PTPRM: variants seen among roughly 807,000 people sequenced by gnomAD.
PTPRM encodes protein tyrosine phosphatase receptor type M.
Under a neutral mutation model 186.7 loss-of-function variants are expected in PTPRM, and 47 were observed. That is an observed-to-expected ratio of 0.25 (90% CI 0.20 to 0.32). The LOEUF is 0.32. Ranked by LOEUF, PTPRM falls within the 10% of genes least tolerant of loss-of-function variation. The probability of loss-of-function intolerance (pLI) is 1.00; values close to 1 mark genes in which losing one functional copy is unlikely to be tolerated. For synonymous variants in PTPRM, 668 were observed against 674.9 expected, an observed-to-expected ratio of 0.99 and a Z score of 0.16; for missense variants, 1,494 against 1,865.0, an observed-to-expected ratio of 0.80 and a Z score of 3.66.
intron 14 of PTPRM, among the ~76,000 whole-genome samples, chr18:8,192,179 GT>G (rs1262557171): frequency 6.6e-6 from 1 of 152,082 alleles, no homozygotes; most frequent in Non-Finnish European, 1.5e-5. Context: ...GAAAATCTCT[GT>G]AATATTAAAT....
chr18:8,381,951 G>A (rs1160719876), intron 29 of PTPRM, among the ~76,000 whole-genome samples: 1 of 152,244 alleles, frequency 6.6e-6, no homozygotes, highest in Middle Eastern at 3.4e-3. Context: ...AACTGCATTG[G>A]AATTCTAAAG....
At chr18:8,197,590 T>A (rs1290647242) in intron 14 of PTPRM, among the ~76,000 whole-genome samples, 3 of 152,192 alleles carry the variant, frequency 2.0e-5, no homozygotes. Context: ...ATTCATAAAT[T>A]TATAATCTGC....
At chr18:8,148,521 T>A (rs1245407419) in intron 14 of PTPRM, among the ~76,000 whole-genome samples, 1 of 152,282 alleles carries the variant, frequency 6.6e-6, no homozygotes, top group African/African-American at 2.4e-5. Flanking sequence ...TTATTACACA[T>A]CTATTTGATC....
At position 7,731,350 on chromosome 18, in the gene PTPRM, T is replaced by A. The variant is rs575163011; in HGVS notation, c.74-42799T>A. ...ATTCTTAGGATGCAATGGTATAAAATAGTATCTTATCCTTGAAAATAGACG... is the reference window on the plus strand; with the variant it reads ...ATTCTTAGGATGCAATGGTATAAAAAAGTATCTTATCCTTGAAAATAGACG... On this transcript the variant is annotated intron_variant, in intron 1 of 32. Transcript: ENST00000580170. Among the ~76,000 whole-genome samples, 4 of 152,360 alleles carry A rather than the reference T, an allele frequency of 2.6e-5. No individual in the cohort carries two copies. The East Asian group carries it at 5.8e-4, about 22-fold the overall frequency.
At chr18:7,952,387 T>A (rs116176003) in intron 6 of PTPRM, among the ~76,000 whole-genome samples, 4,641 of 152,322 alleles carry the variant, frequency 0.03, 235 homozygotes, top group African/African-American at 0.11. Flanking sequence ...ATCCTTTCCC[T>A]TTGGGAAAAT....
intron 1 of PTPRM, among the ~76,000 whole-genome samples, chr18:7,634,588 A>T (rs904424176): frequency 1.3e-5 from 2 of 152,222 alleles, no homozygotes; most frequent in African/African-American, 4.8e-5. Flanking sequence ...ATAAACATTT[A>T]TCCTCCTTTC....
chr18:8,108,767 A>G (rs922789653), intron 11 of PTPRM, among the ~76,000 whole-genome samples: 57 of 152,326 alleles, frequency 3.7e-4, no homozygotes, highest in Admixed American at 1.3e-3. Context: ...CTTCCATAGG[A>G]AAGTTCTGAT....
At chr18:7,730,341 T>C (rs999037224) in intron 1 of PTPRM, among the ~76,000 whole-genome samples, 1 of 152,220 alleles carries the variant, frequency 6.6e-6, no homozygotes, top group Non-Finnish European at 1.5e-5. Flanking sequence ...TGGCCAGTCA[T>C]TTCTATGTTA....
intron 14 of PTPRM, among the ~76,000 whole-genome samples, chr18:8,151,614 G>A (rs1283801902): frequency 6.7e-6 from 1 of 148,988 alleles, no homozygotes; most frequent in African/African-American, 2.5e-5. Context: ...AGACCACTTG[G>A]TTCCCTGGTT....
intron 11 of PTPRM, among the ~76,000 whole-genome samples, chr18:8,092,736 G>A (rs1054009312): frequency 2.6e-5 from 4 of 152,070 alleles, no homozygotes; most frequent in African/African-American, 7.2e-5. Flanking sequence ...AGGCAAAGGT[G>A]GAAGGATCAC....
intron 24 of PTPRM, among the ~76,000 whole-genome samples, chr18:8,373,261 T>C (rs2095674757): frequency 6.6e-6 from 1 of 152,216 alleles, no homozygotes; most frequent in South Asian, 2.1e-4. Context: ...GCAATTCTGA[T>C]TCTATTTTGA....
intron 1 of PTPRM, among the ~76,000 whole-genome samples, chr18:7,587,813 A>G (rs1277119670): frequency 6.6e-6 from 1 of 152,174 alleles, no homozygotes; most frequent in Non-Finnish European, 1.5e-5. Flanking sequence ...ATAAGTGAAC[A>G]ATATATGATT....
intron 1 of PTPRM, among the ~76,000 whole-genome samples, chr18:7,722,864 A>G (rs2040474944): frequency 6.6e-6 from 1 of 152,256 alleles, no homozygotes; most frequent in Admixed American, 6.5e-5. Context: ...AATGGCTTTT[A>G]GACCTATGAG....
At chr18:7,964,762 T>C (rs2053909468) in intron 7 of PTPRM, among the ~76,000 whole-genome samples, 1 of 152,188 alleles carries the variant, frequency 6.6e-6, no homozygotes, top group African/African-American at 2.4e-5. Flanking sequence ...ATCTTCAAGG[T>C]AGTGCCAAGA....
chr18:7,874,212 T>A (rs2048117928), intron 2 of PTPRM, among the ~76,000 whole-genome samples: 7 of 152,204 alleles, frequency 4.6e-5, no homozygotes, highest in Admixed American at 4.6e-4. Context: ...TGGGATAAGT[T>A]TGTGGTCAGT....
At chr18:8,339,811 C>T (rs1220390306) in intron 22 of PTPRM, among the ~76,000 whole-genome samples, 3 of 152,116 alleles carry the variant, frequency 2.0e-5, no homozygotes, top group African/African-American at 7.2e-5. Context: ...GTAAAGTCCA[C>T]CCCTCCCCTG....
In PTPRM at chr18:7,859,451, G is replaced by A. The variant is rs539631832; in HGVS notation, c.197-28655G>A. 2.6e-5 allele frequency among the ~76,000 whole-genome samples: 4 copies of A among 152,264 alleles called. No homozygotes were observed. The East Asian group carries it at 7.7e-4, about 29-fold the overall frequency. On this transcript the variant is annotated intron_variant, in intron 2 of 32. Transcript: ENST00000580170. ...GCCAGCCAGGCCCATTATTACTCCC[G>A]TCTCCCAACTCTGATGTCACTTGTG... is the stretch of plus-strand genomic sequence containing the variant.
chr18:8,120,591 G>A (rs1224864136), intron 13 of PTPRM, among the ~76,000 whole-genome samples: 4 of 150,510 alleles, frequency 2.7e-5, no homozygotes, highest in African/African-American at 9.8e-5. Flanking sequence ...TGCCTCCTGT[G>A]TTCAAGCAGT....
At chr18:8,091,254 C>T (rs143911569) in intron 11 of PTPRM, among the ~76,000 whole-genome samples, 1 of 152,034 alleles carries the variant, frequency 6.6e-6, no homozygotes, top group African/African-American at 2.4e-5. Flanking sequence ...CATAACATCC[C>T]GGTTTCCAAG....
Sources: allele counts gnomAD v4.1 joint callset (sites outside exome capture counted in the v4.1 genomes callset), GRCh38; gene constraint gnomAD v4.1.1; transcripts MANE v1.5; gene names NCBI Gene and HGNC (gene_info 2026-07-23, HGNC 2026-07-21).